The following SLC16A7 variants were observed in gnomAD, a reference collection of about 807,000 sequenced individuals.
The protein encoded by SLC16A7 is solute carrier family 16 member 7.
In SLC16A7, 33 loss-of-function variants were observed where a neutral mutation model predicts 34.9. That is an observed-to-expected ratio of 0.94 (90% CI 0.72 to 1.26). The LOEUF (loss-of-function observed/expected upper bound fraction) is 1.26. Among genes scored for constraint, SLC16A7 ranks in the 50% most tolerant of loss-of-function variants. The probability of loss-of-function intolerance (pLI) is 0.00; values close to 1 mark genes in which losing one functional copy is unlikely to be tolerated. For synonymous variants in SLC16A7, 201 were observed against 206.6 expected (o/e 0.97, Z 0.23); for missense variants, 573 against 578.1 (o/e 0.99, Z 0.09).
At chr12:59,679,828 CA>C (rs1194557212) in intron 2 of SLC16A7, among the ~76,000 whole-genome samples, 1 of 151,930 alleles carries the variant, frequency 6.6e-6, no homozygotes, top group Non-Finnish European at 1.5e-5. Flanking sequence ...ATCATAAGGG[CA>C]AAATTAGAAT....
At chr12:59,765,718 C>G (rs1459141382) in intron 3 of SLC16A7, among the ~76,000 whole-genome samples, 2 of 152,132 alleles carry the variant, frequency 1.3e-5, no homozygotes, top group Middle Eastern at 6.3e-3. Flanking sequence ...CAGTATCATG[C>G]CGTTTTGGTG....
rs1882669582 is a variant in SLC16A7 at position 59,775,471 on chromosome 12, T to C, written c.1176T>C (p.Leu392=). The change falls in exon 5 of 6, where the codon CTT becomes CTC. Residue 392 remains leucine, a synonymous_variant. Transcript: ENST00000547379. ...ECGPVLLGPP[L]AGKLVDLTGE... ...GCCCAGTTCTTCTTGGCCCTCCTCT[T>C]GCAGGTAAGAACGTTTTTCATCAAG... The C allele has an allele frequency of 6.2e-7, 1 of 1,611,894 alleles. No homozygotes were observed.
intron 1 of SLC16A7, among the ~76,000 whole-genome samples, chr12:59,602,272 A>G (rs762407148): frequency 1.8e-4 from 27 of 152,144 alleles, no homozygotes; most frequent in African/African-American, 6.0e-4. Context: ...TCAGAGCATC[A>G]TTGACCTCCT....
rs536689980 is a variant in SLC16A7 at position 59,616,492 on chromosome 12, TA to T, written c.-130+20263del. On this transcript the variant is annotated intron_variant, in intron 1 of 5. Transcript: ENST00000547379. Reference sequence around the variant, plus strand: ...TTGATAAATATTTTAGCTTTTTTAATAAAAAAAGAATTAGTTTTTAAAATAC... The same window carrying T: ...TTGATAAATATTTTAGCTTTTTTAATAAAAAAGAATTAGTTTTTAAAATAC... 4.6e-5 allele frequency among the ~76,000 whole-genome samples: 7 copies of T among 152,222 alleles called. No individual in the cohort carries two copies. The South Asian group carries it at 6.2e-4, about 14-fold the overall frequency.
At chr12:59,732,501 T>C (rs1241169147) in intron 3 of SLC16A7, among the ~76,000 whole-genome samples, 1 of 152,218 alleles carries the variant, frequency 6.6e-6, no homozygotes, top group East Asian at 1.9e-4. Flanking sequence ...CTAAAGGAAA[T>C]ATGCCAAAGT....
chr12:59,700,027 CTG>C (rs1318426970), intron 2 of SLC16A7, among the ~76,000 whole-genome samples: 2 of 151,328 alleles, frequency 1.3e-5, no homozygotes, highest in Admixed American at 6.6e-5. Flanking sequence ...TACAAGAAAA[CTG>C]TGAAGTGTTT....
chr12:59,698,531 G>A (rs1340412538), intron 2 of SLC16A7, among the ~76,000 whole-genome samples: 2 of 151,742 alleles, frequency 1.3e-5, no homozygotes, highest in Non-Finnish European at 3.0e-5. Flanking sequence ...GCAGAGTCAT[G>A]GCCTATGCCT....
In SLC16A7 at chr12:59,779,410, C is replaced by T; in HGVS notation, c.1181-13C>T. 1 of 1,556,890 alleles carries T rather than the reference C, an allele frequency of 6.4e-7. No homozygotes were observed. The highest frequency in any genetic ancestry group is 1.2e-5 in the South Asian group (1 of 83,668). On this transcript the variant is annotated splice_polypyrimidine_tract_variant and intron_variant, in intron 5 of 5. Transcript: ENST00000547379. Reference sequence around the variant, plus strand: ...TTATTATGCCAACTTAAAAGATGTTCTTTGTCTTCTAGGTAAATTGGTGGA... The same window carrying T: ...TTATTATGCCAACTTAAAAGATGTTTTTTGTCTTCTAGGTAAATTGGTGGA...
rs562418166 is a variant in SLC16A7 at position 59,789,562 on chromosome 12, C to G, written c.*9883C>G. 3.1e-4 allele frequency: 47 copies of G among 152,232 alleles called. No individual in the cohort carries two copies. Among genetic ancestry groups the G allele is most frequent in the African/African-American group, 9.4e-4 (39 of 41,560 alleles). 9.4% of individuals were successfully genotyped at this position (152,232 alleles called of 1,614,324 possible). On this transcript the variant is annotated 3_prime_UTR_variant, in exon 6 of 6. Transcript: ENST00000547379. Reference sequence around the variant, plus strand: ...TGACCTTGATCATAAGTGCTTCTATCTGCTGAGCTTTATTTATTGTTTTTG... The same window carrying G: ...TGACCTTGATCATAAGTGCTTCTATGTGCTGAGCTTTATTTATTGTTTTTG...
chr12:59,676,469 C>T (rs1870321431), intron 2 of SLC16A7, among the ~76,000 whole-genome samples: 1 of 151,964 alleles, frequency 6.6e-6, no homozygotes, highest in Admixed American at 6.6e-5. Context: ...CTATTACTCA[C>T]ATAAAATCTA....
chr12:59,774,332 A>G (rs1040444442), intron 4 of SLC16A7, among the ~76,000 whole-genome samples: 5 of 152,234 alleles, frequency 3.3e-5, no homozygotes, highest in African/African-American at 1.2e-4. Context: ...CTGAGGAATT[A>G]AATGATTTTA....
chr12:59,751,567 G>A (rs1019995940), intron 3 of SLC16A7, among the ~76,000 whole-genome samples: 2 of 152,216 alleles, frequency 1.3e-5, no homozygotes, highest in Admixed American at 1.3e-4. Flanking sequence ...GCCCGCCATT[G>A]CCCAGGCTTG....
At chr12:59,636,739 A>G (rs1327249151) in intron 1 of SLC16A7, among the ~76,000 whole-genome samples, 1 of 152,176 alleles carries the variant, frequency 6.6e-6, no homozygotes, top group Admixed American at 6.6e-5. Context: ...ATTTGGAGAT[A>G]TATGATGAAT....
At chr12:59,664,996 T>C (rs1288375394) in intron 2 of SLC16A7, 3 of 152,170 alleles carry the variant, frequency 2.0e-5, no homozygotes, top group African/African-American at 7.2e-5. Flanking sequence ...GTTTAGATTA[T>C]AGAGATGTGA....
chr12:59,786,926 TC>T lies in SLC16A7; in HGVS notation c.*7249del, dbSNP rs1474758079. 2.6e-5 allele frequency: 4 copies of T among 152,156 alleles called. No individual in the cohort carries two copies. The highest frequency in any genetic ancestry group is 2.0e-4 in the Admixed American group (3 of 15,278). 9.4% of individuals were successfully genotyped at this position (152,156 alleles called of 1,614,324 possible). On this transcript the variant is annotated 3_prime_UTR_variant, in exon 6 of 6. Transcript: ENST00000547379. The stretch of plus-strand genomic sequence containing the variant: ...TTTATAGCCCAAATGAATATATTTT[TC>T]CAATCATGGTTTGCAAAATCATGTT...
rs1346476339 is a variant in SLC16A7 at position 59,764,649 on chromosome 12, A to G, written c.218-6570A>G. On this transcript the variant is annotated intron_variant, in intron 3 of 5. Coordinates refer to ENST00000547379, the MANE Select transcript of SLC16A7 (RefSeq NM_001270623.2). ...TTTCCAGCTTCATCCATGTCCCTAC[A>G]AAAGACATGAACTCATCATTTTCTG... is the stretch of plus-strand genomic sequence containing the variant. 3.9e-5 allele frequency among the ~76,000 whole-genome samples: 6 copies of G among 152,114 alleles called. No homozygotes were observed. In the East Asian group the frequency reaches 9.6e-4, roughly 24 times the overall value.
chr12:59,786,147 G>T lies in SLC16A7; in HGVS notation c.*6468G>T, dbSNP rs1883605153. ...ACATGTATACATATGTAACTAACCTGCACATTGTGCACATGTACCCTAAAA... is the reference window on the plus strand; with the variant it reads ...ACATGTATACATATGTAACTAACCTTCACATTGTGCACATGTACCCTAAAA... On this transcript the variant is annotated 3_prime_UTR_variant, in exon 6 of 6. Coordinates refer to ENST00000547379, the MANE Select transcript of SLC16A7 (RefSeq NM_001270623.2). The T allele has an allele frequency of 6.6e-6, 1 of 150,840 alleles. No individual in the cohort carries two copies. The highest frequency in any genetic ancestry group is 2.4e-5 in the African/African-American group (1 of 41,002). 9.3% of individuals were successfully genotyped at this position (150,840 alleles called of 1,614,324 possible).
At chr12:59,764,602 G>GAT (rs1342769783) in intron 3 of SLC16A7, among the ~76,000 whole-genome samples, 10 of 151,596 alleles carry the variant, frequency 6.6e-5, no homozygotes, top group Non-Finnish European at 7.4e-5. Flanking sequence ...TTGTCCTTGC[G>GAT]ATAGTTTGCT....
chr12:59,639,449 A>G (rs139152437), intron 1 of SLC16A7, among the ~76,000 whole-genome samples: 16 of 152,184 alleles, frequency 1.1e-4, no homozygotes, highest in African/African-American at 3.1e-4. Context: ...GAGTGGTACA[A>G]TCAAAGCTCA....
Sources: allele counts gnomAD v4.1 joint callset (sites outside exome capture counted in the v4.1 genomes callset), GRCh38; gene constraint gnomAD v4.1.1; transcripts MANE v1.5; gene names NCBI Gene and HGNC (gene_info 2026-07-23, HGNC 2026-07-21).